The following PCDHA4 variants were observed in gnomAD, a reference collection of about 807,000 sequenced individuals.
PCDHA4 encodes protocadherin alpha-4.
Under a neutral mutation model 61.4 loss-of-function variants are expected in PCDHA4, and 49 were observed. The observed-to-expected ratio is 0.80, with a 90% CI of 0.63 to 1.01. PCDHA4 has a LOEUF of 1.01. Among genes scored for constraint, PCDHA4 ranks in the 50% least tolerant of loss-of-function variants. The probability of loss-of-function intolerance (pLI) is 0.00; values close to 1 mark genes in which losing one functional copy is unlikely to be tolerated. For missense variants in PCDHA4, 1,254 were observed against 1,235.8 expected (o/e 1.01, Z -0.22); for synonymous variants, 590 against 550.3 (o/e 1.07, Z -1.01).
intron 1 of PCDHA4, chr5:140,817,656 T>G (rs1272936545): frequency 3.3e-5 from 5 of 152,208 alleles, no homozygotes; most frequent in African/African-American, 9.6e-5. Context: ...GTTACTGATA[T>G]GCCTTTCAAT....
intron 1 of PCDHA4, among the ~76,000 whole-genome samples, chr5:140,820,967 C>T (rs960762202): frequency 6.6e-6 from 1 of 151,658 alleles, no homozygotes; most frequent in African/African-American, 2.4e-5. Flanking sequence ...TGAGTCAATA[C>T]AAAAAGTAGA....
At chr5:140,851,968 C>G (rs1409588887) in intron 1 of PCDHA4, 2 of 976,644 alleles carry the variant, frequency 2.0e-6, no homozygotes, top group African/African-American at 3.5e-5. Flanking sequence ...GTTTTCCACA[C>G]TCTACCTTTA....
intron 1 of PCDHA4, among the ~76,000 whole-genome samples, chr5:140,920,380 T>C (rs1386655132): frequency 2.0e-5 from 3 of 152,246 alleles, no homozygotes; most frequent in Non-Finnish European, 4.4e-5. Flanking sequence ...TGTGGATTCA[T>C]ATTACCATCT....
chr5:140,913,035 T>C (rs1277110200), intron 1 of PCDHA4, among the ~76,000 whole-genome samples: 2 of 152,242 alleles, frequency 1.3e-5, no homozygotes, highest in African/African-American at 4.8e-5. Context: ...TCATCAGATA[T>C]ATTGGCCTGG....
chr5:140,875,265 T>C, intron 1 of PCDHA4: 1 of 1,201,060 alleles, frequency 8.3e-7, no homozygotes, highest in Admixed American at 3.0e-5. Flanking sequence ...GATGTCGCTC[T>C]ACACTCAGAA....
At chr5:140,945,630 A>C (rs1445072054) in intron 1 of PCDHA4, among the ~76,000 whole-genome samples, 1 of 152,166 alleles carries the variant, frequency 6.6e-6, no homozygotes, top group African/African-American at 2.4e-5. Context: ...CTGGCATAAA[A>C]GACATGTAGA....
chr5:140,807,612 T>A lies in PCDHA4; in HGVS notation c.425T>A (p.Ile142Asn). Residue 142 changes from isoleucine (I) to asparagine (N), a missense_variant, in exon 1 of 4, where the codon ATC becomes AAC. Transcript: ENST00000530339. ...CCAGCAACACAAAAGAACCTGTCCA[T>A]CGCGGAATCCAGGCCGCTTGACTCT... Reference protein sequence around the residue: ...VFPATQKNLSIAESRPLDSRF... With the variant: ...VFPATQKNLSNAESRPLDSRF... The A allele has an allele frequency of 2.5e-6, 4 of 1,614,130 alleles. No individual in the cohort carries two copies. The highest frequency in any genetic ancestry group is 3.4e-6 in the Non-Finnish European group (4 of 1,180,016).
intron 1 of PCDHA4, chr5:140,860,659 T>C (rs1310065546): frequency 1.3e-5 from 2 of 152,224 alleles, no homozygotes; most frequent in Non-Finnish European, 2.9e-5. Context: ...AGTGAAATAA[T>C]ATGAAATCAA....
intron 1 of PCDHA4, among the ~76,000 whole-genome samples, chr5:140,975,044 G>A (rs115613317): frequency 0.045 from 6,815 of 152,244 alleles, 210 homozygotes; most frequent in Non-Finnish European, 0.062. Flanking sequence ...AGGCTCTTAG[G>A]AAGAATCTAC....
At chr5:140,903,166 T>C (rs758397398) in intron 1 of PCDHA4, among the ~76,000 whole-genome samples, 34 of 152,226 alleles carry the variant, frequency 2.2e-4, no homozygotes, top group Non-Finnish European at 2.5e-4. Context: ...TGTGCTGGTT[T>C]ACATTCCCAC....
In PCDHA4 at chr5:140,966,763, G is replaced by A. The variant is rs1020607410; in HGVS notation, c.2386-12186G>A. 2.7e-6 allele frequency: 4 copies of A among 1,470,486 alleles called. No homozygotes were observed. The South Asian group carries it at 5.5e-5, about 20-fold the overall frequency. 91.1% of individuals were successfully genotyped at this position (1,470,486 alleles called of 1,614,324 possible). A position where few individuals can be genotyped will look rare whatever the true frequency, so the allele number is the denominator to read the frequency against. Reference sequence around the variant, plus strand: ...CCCGGCTGCCTCCGCCGCGGCCAGTGGCTATGGAGCAGGCGGGCACCAGAC... The same window carrying A: ...CCCGGCTGCCTCCGCCGCGGCCAGTAGCTATGGAGCAGGCGGGCACCAGAC... On this transcript the variant is annotated intron_variant, in intron 1 of 3. Transcript: ENST00000530339.
At chr5:140,826,295 T>C (rs936001981) in intron 1 of PCDHA4, among the ~76,000 whole-genome samples, 18 of 152,306 alleles carry the variant, frequency 1.2e-4, no homozygotes, top group African/African-American at 4.1e-4. Context: ...GTCTTTTTTA[T>C]AGGAACCTCT....
Position 140,807,860 on chromosome 5 carries a change from ACCG to A in PCDHA4, c.674_676del (p.Thr225_Val226delinsIle). ...TGGAGGCAAACCCGAGTTGACTGGC[ACCG>A]TTCAGTTACTCATCACAGTACTGGA... is the stretch of plus-strand genomic sequence containing the variant. On this transcript the variant is annotated inframe_deletion, in exon 1 of 4. Transcript: ENST00000530339. The A allele has an allele frequency of 6.2e-7, 1 of 1,614,160 alleles. No individual in the cohort carries two copies.
chr5:140,850,416 G>T, intron 1 of PCDHA4: 1 of 1,598,000 alleles, frequency 6.3e-7, no homozygotes, highest in Non-Finnish European at 8.6e-7. Flanking sequence ...GGACGAAACG[G>T]ACGCACCGCG....
At chr5:140,897,008 T>C (rs1215081415) in intron 1 of PCDHA4, among the ~76,000 whole-genome samples, 13 of 152,154 alleles carry the variant, frequency 8.5e-5, no homozygotes, top group Admixed American at 1.3e-4. Flanking sequence ...TATTTTTAAA[T>C]ATACAACTAA....
intron 3 of PCDHA4, among the ~76,000 whole-genome samples, chr5:140,999,645 G>C (rs1417751593): frequency 6.6e-6 from 1 of 152,156 alleles, no homozygotes; most frequent in Non-Finnish European, 1.5e-5. Context: ...AAACTGTGCA[G>C]CCTGAGCCCT....
chr5:140,974,744 T>A (rs966437450), intron 1 of PCDHA4, among the ~76,000 whole-genome samples: 11 of 152,144 alleles, frequency 7.2e-5, no homozygotes, highest in African/African-American at 2.4e-4. Context: ...CACCTTGGCC[T>A]CCCAAAGTGC....
intron 1 of PCDHA4, chr5:140,841,953 T>A: frequency 6.2e-7 from 1 of 1,613,834 alleles, no homozygotes; most frequent in Non-Finnish European, 8.5e-7. Flanking sequence ...CACCACTTAT[T>A]CCTGACAGCC....
chr5:140,807,213 A>C lies in PCDHA4; in HGVS notation c.26A>C (p.Gln9Pro). The C allele has an allele frequency of 1.2e-6, 2 of 1,613,976 alleles. No homozygotes were observed. Among genetic ancestry groups the C allele is most frequent in the Non-Finnish European group, 1.7e-6 (2 of 1,179,868 alleles). MEFSWGSG[Q>P]ESRRLLLLLL... ...ATGGAGTTTTCCTGGGGAAGCGGCCAGGAATCCCGGCGTCTGCTGCTCTTA... is the reference window on the plus strand; with the variant it reads ...ATGGAGTTTTCCTGGGGAAGCGGCCCGGAATCCCGGCGTCTGCTGCTCTTA... The change falls in exon 1 of 4, where the codon CAG (glutamine) becomes CCG (proline). Residue 9 changes from glutamine (Q) to proline (P), a missense_variant. Transcript: ENST00000530339.
Sources: gnomAD v4.1 joint callset for allele counts (sites outside exome capture counted in the v4.1 genomes callset) on GRCh38, gnomAD v4.1.1 for gene constraint, MANE v1.5 for transcripts, NCBI Gene and HGNC (gene_info 2026-07-23, HGNC 2026-07-21) for gene names.